The following EPM2A variants were observed in gnomAD, a reference collection of about 807,000 sequenced individuals.
EPM2A encodes the protein EPM2A glucan phosphatase, laforin.
In EPM2A, 21 loss-of-function variants were observed where a neutral mutation model predicts 26.5. The observed-to-expected ratio is 0.79, with a 90% CI of 0.56 to 1.14. EPM2A has a LOEUF of 1.14. EPM2A is among the 50% of genes most tolerant of loss of function. The pLI is 0.00. For synonymous variants in EPM2A, 217 were observed against 177.6 expected, an observed-to-expected ratio of 1.22 and a Z score of -1.76; for missense variants, 458 against 440.8, an observed-to-expected ratio of 1.04 and a Z score of -0.35.
At chr6:145,656,675 T>C (rs370532458) in intron 2 of EPM2A, among the ~76,000 whole-genome samples, 1 of 152,204 alleles carries the variant, frequency 6.6e-6, no homozygotes, top group East Asian at 1.9e-4. Context: ...GTCAACATCA[T>C]AGAAAACGGT....
At chr6:145,532,649 C>T (rs974127705) in intron 2 of EPM2A, among the ~76,000 whole-genome samples, 1 of 152,130 alleles carries the variant, frequency 6.6e-6, no homozygotes, top group Non-Finnish European at 1.5e-5. Flanking sequence ...GTAAGTGGCC[C>T]GGACCCTCAG....
intron 2 of EPM2A, among the ~76,000 whole-genome samples, chr6:145,566,897 TC>T (rs1780891100): frequency 1.3e-5 from 2 of 152,224 alleles, no homozygotes; most frequent in Non-Finnish European, 2.9e-5. Context: ...TGTGTCAAAT[TC>T]ATTCTCGTTT....
chr6:145,535,120 C>T (rs916133885), intron 2 of EPM2A, among the ~76,000 whole-genome samples: 16 of 152,294 alleles, frequency 1.1e-4, no homozygotes, highest in South Asian at 6.2e-4. Flanking sequence ...ATCTTTCTTC[C>T]ATTGCCCCAT....
intron 4 of EPM2A, among the ~76,000 whole-genome samples, chr6:145,472,212 C>T (rs1317829986): frequency 6.6e-6 from 1 of 151,714 alleles, no homozygotes; most frequent in Non-Finnish European, 1.5e-5. Flanking sequence ...TGCCAGCATT[C>T]ATCACTTACT....
intron 4 of EPM2A, among the ~76,000 whole-genome samples, chr6:145,395,127 T>A (rs1176840267): frequency 6.6e-6 from 1 of 151,868 alleles, no homozygotes; most frequent in Non-Finnish European, 1.5e-5. Flanking sequence ...TTTCCTCCCC[T>A]CTCTCCACTA....
intron 4 of EPM2A, among the ~76,000 whole-genome samples, chr6:145,466,313 C>G (rs77685159): frequency 0.65 from 98,566 of 151,592 alleles, 32,722 homozygotes; most frequent in East Asian, 0.82. Flanking sequence ...ACAAACAACC[C>G]CATCAAAAAG....
chr6:145,659,244 C>T lies in EPM2A; in HGVS notation c.477-23758G>A, dbSNP rs146893579. Reference sequence around the variant, plus strand: ...GGGTGGGATGGGGTGGGAGGATTCACGTAAACTACTGCATGAATCATACAC... The same window carrying T: ...GGGTGGGATGGGGTGGGAGGATTCATGTAAACTACTGCATGAATCATACAC... On this transcript the variant is annotated intron_variant, in intron 2 of 3. Coordinates refer to ENST00000367519, the MANE Select transcript of EPM2A (RefSeq NM_005670.4). 3.3e-3 allele frequency among the ~76,000 whole-genome samples: 502 copies of T among 152,196 alleles called. 3 individuals carry two copies. Among genetic ancestry groups the T allele is most frequent in the African/African-American group, 0.011 (467 of 41,546 alleles).
intron 4 of EPM2A, among the ~76,000 whole-genome samples, chr6:145,444,544 T>C (rs1026664456): frequency 1.3e-5 from 2 of 152,202 alleles, no homozygotes; most frequent in Non-Finnish European, 2.9e-5. Context: ...GAAGTTTTCT[T>C]GTTTTTGTTG....
At chr6:145,678,313 G>A (rs967528320) in intron 2 of EPM2A, among the ~76,000 whole-genome samples, 4 of 152,126 alleles carry the variant, frequency 2.6e-5, no homozygotes, top group African/African-American at 9.7e-5. Flanking sequence ...GAAAACCTAG[G>A]CAATACCATT....
At chr6:145,475,375 A>T (rs540298050) in intron 4 of EPM2A, among the ~76,000 whole-genome samples, 15 of 152,288 alleles carry the variant, frequency 9.8e-5, no homozygotes, top group South Asian at 2.1e-4. Context: ...AGAAAACCGA[A>T]CACTGCATGT....
intron 2 of EPM2A, among the ~76,000 whole-genome samples, chr6:145,612,595 G>T (rs1775414247): frequency 6.6e-6 from 1 of 151,584 alleles, no homozygotes. Flanking sequence ...TTTGGTGCCA[G>T]ACCACTGCAA....
At chr6:145,549,786 G>T (rs1780629614) in intron 2 of EPM2A, among the ~76,000 whole-genome samples, 1 of 152,096 alleles carries the variant, frequency 6.6e-6, no homozygotes, top group Non-Finnish European at 1.5e-5. Flanking sequence ...CCCAAAACAA[G>T]AGAGTGTGTA....
rs144224140 is a variant in EPM2A, at chr6:145,390,000, TAGAC to T, written c.556-5907_556-5904del. 4.1e-3 allele frequency among the ~76,000 whole-genome samples: 625 copies of T among 152,290 alleles called. 9 individuals are homozygous for T. In the East Asian group the frequency reaches 0.057, roughly 14 times the overall value. ...TTGTGTATAGTCAGGGATTTCCTGATAGACAGAACCAACAGGAGTGAAACAGAAA... is the reference window on the plus strand; with the variant it reads ...TTGTGTATAGTCAGGGATTTCCTGATAGAACCAACAGGAGTGAAACAGAAA... On this transcript the variant is annotated intron_variant, in intron 4 of 4. Coordinates refer to the EPM2A transcript ENST00000638717.
chr6:145,533,640 C>G (rs1780391734), intron 2 of EPM2A, among the ~76,000 whole-genome samples: 1 of 152,072 alleles, frequency 6.6e-6, no homozygotes, highest in Non-Finnish European at 1.5e-5. Flanking sequence ...CCTTGCAGTA[C>G]TCCACCCTCA....
At chr6:145,619,915 T>A (rs1055087602) in intron 2 of EPM2A, among the ~76,000 whole-genome samples, 2 of 152,110 alleles carry the variant, frequency 1.3e-5, no homozygotes, top group Non-Finnish European at 2.9e-5. Flanking sequence ...GTCAAAACAT[T>A]TTTGAAATAA....
chr6:145,559,730 C>T (rs537252206), intron 2 of EPM2A, among the ~76,000 whole-genome samples: 49 of 147,622 alleles, frequency 3.3e-4, no homozygotes, highest in Admixed American at 6.2e-4. Flanking sequence ...CAAATCACTA[C>T]GGTAAACTAA....
intron 4 of EPM2A, among the ~76,000 whole-genome samples, chr6:145,493,539 TGA>T (rs1779781207): frequency 6.6e-6 from 1 of 152,232 alleles, no homozygotes; most frequent in South Asian, 2.1e-4. Context: ...ATAGGAGTGG[TGA>T]GAGAGGGCAT....
chr6:145,583,068 A>AT (rs931625414), intron 2 of EPM2A, among the ~76,000 whole-genome samples: 17 of 152,054 alleles, frequency 1.1e-4, no homozygotes, highest in Admixed American at 5.2e-4. Flanking sequence ...GTTTTATTGT[A>AT]TTTTTTAGAT....
chr6:145,510,891 C>A (rs1421860472), intron 2 of EPM2A, among the ~76,000 whole-genome samples: 1 of 151,948 alleles, frequency 6.6e-6, no homozygotes, highest in Non-Finnish European at 1.5e-5. Context: ...ATAAGCACAA[C>A]CAGAAACAAC....
Sources: allele counts gnomAD v4.1 joint callset (sites outside exome capture counted in the v4.1 genomes callset), GRCh38; gene constraint gnomAD v4.1.1; transcripts MANE v1.5; gene names NCBI Gene and HGNC (gene_info 2026-07-23, HGNC 2026-07-21).